The following PI4KA variants were observed in gnomAD, a reference collection of about 807,000 sequenced individuals.
The protein encoded by PI4KA is PI4-kinase alpha.
A neutral mutation model predicts 271.4 loss-of-function variants in PI4KA; 122 were observed. The observed-to-expected ratio is 0.45, with a 90% CI of 0.39 to 0.52. The LOEUF is 0.52. PI4KA is among the 20% of genes least tolerant of loss of function. PI4KA has a pLI of 0.00. For synonymous variants in PI4KA, 1,041 were observed against 1,078.8 expected (o/e 0.96, Z 0.69); for missense variants, 1,969 against 2,769.1 (o/e 0.71, Z 6.48).
intron 25 of PI4KA, among the ~76,000 whole-genome samples, chr22:20,752,020 G>A (rs564206591): frequency 7.2e-5 from 11 of 152,200 alleles, no homozygotes; most frequent in East Asian, 1.9e-4. Flanking sequence ...CCTTGGTTAT[G>A]CACTGGCCAG....
intron 47 of PI4KA, among the ~76,000 whole-genome samples, chr22:20,713,709 G>A (rs1351704839): frequency 2.0e-5 from 3 of 152,236 alleles, no homozygotes; most frequent in Non-Finnish European, 1.5e-5. Flanking sequence ...CAGGAGGAAT[G>A]TGTCTGTACA....
intron 43 of PI4KA, among the ~76,000 whole-genome samples, chr22:20,720,189 CTTTTGTGG>C (rs1926566215): frequency 6.6e-6 from 1 of 152,130 alleles, no homozygotes. Context: ...GTTATAAAAG[CTTTTGTGG>C]GTCCAGGTGC....
intron 4 of PI4KA, among the ~76,000 whole-genome samples, chr22:20,821,677 C>T (rs1180213847): frequency 2.6e-5 from 4 of 152,032 alleles, no homozygotes; most frequent in South Asian, 2.1e-4. Flanking sequence ...CCACAACCTC[C>T]GCCTCCTGGG....
intron 3 of PI4KA, among the ~76,000 whole-genome samples, chr22:20,829,585 T>TA: frequency 6.6e-6 from 1 of 151,770 alleles, no homozygotes; most frequent in Admixed American, 6.6e-5. Context: ...TAGTGATCTT[T>TA]TTTTTTTTAT....
intron 36 of PI4KA, among the ~76,000 whole-genome samples, chr22:20,732,066 C>G (rs1386280258): frequency 6.8e-6 from 1 of 147,404 alleles, no homozygotes; most frequent in Admixed American, 6.7e-5. Flanking sequence ...CCCAGCTACT[C>G]AGGAGGCTGA....
chr22:20,840,164 T>C (rs756951604), intron 1 of PI4KA, among the ~76,000 whole-genome samples: 5 of 152,218 alleles, frequency 3.3e-5, no homozygotes, highest in Non-Finnish European at 5.9e-5. Context: ...CTCATCAAAA[T>C]TGGCATAACA....
chr22:20,857,729 G>T (rs1927780554), intron 1 of PI4KA, among the ~76,000 whole-genome samples: 1 of 152,156 alleles, frequency 6.6e-6, no homozygotes, highest in African/African-American at 2.4e-5. Context: ...TAAGGATACA[G>T]AGGCTCTAAG....
rs1927774493 is a variant in PI4KA at position 20,729,638 on chromosome 22, G to A, written c.4482C>T (p.Ser1494=). Residue 1494 remains serine (S), a synonymous_variant, in exon 38 of 55, where the codon TCC becomes TCT. Coordinates refer to ENST00000255882, the MANE Select transcript of PI4KA (RefSeq NM_058004.4). The part of the protein sequence containing the change: ...YYMKRRTLLL[S]LLATEIERLI... ...CTGCACCTGTGGGCCTTACCAGCAG[G>A]GACAGCAGCAGCGTCCTGCGCTTCA... The A allele has an allele frequency of 5.1e-6, 8 of 1,569,258 alleles. No individual in the cohort carries two copies. The highest frequency in any genetic ancestry group is 6.9e-6 in the Non-Finnish European group (8 of 1,155,792).
intron 54 of PI4KA, among the ~76,000 whole-genome samples, 158 bp from the exon 55 acceptor site, chr22:20,708,256 C>A (rs1320215959): frequency 6.6e-6 from 1 of 152,176 alleles, no homozygotes; most frequent in African/African-American, 2.4e-5. Flanking sequence ...CCAGTGACCA[C>A]ATCTCCTGCT....
chr22:20,738,434 A>C (rs1443707242), intron 32 of PI4KA, among the ~76,000 whole-genome samples: 1 of 152,224 alleles, frequency 6.6e-6, no homozygotes, highest in Non-Finnish European at 1.5e-5. Flanking sequence ...AGGATCATGA[A>C]TCTTTCCCCT....
chr22:20,791,747 G>A (rs1318458990), intron 19 of PI4KA, among the ~76,000 whole-genome samples: 1 of 152,048 alleles, frequency 6.6e-6, no homozygotes, highest in Non-Finnish European at 1.5e-5. Context: ...GCCAGAATGA[G>A]ACCCTGTCTC....
At chr22:20,767,866 C>A (rs926546006) in intron 19 of PI4KA, among the ~76,000 whole-genome samples, 4 of 151,656 alleles carry the variant, frequency 2.6e-5, no homozygotes, top group Admixed American at 6.6e-5. Context: ...AACTCCTGAC[C>A]TCAAGTGATC....
chr22:20,721,322 C>G lies in PI4KA; in HGVS notation c.5092G>C (p.Asp1698His). The G allele has an allele frequency of 6.2e-7, 1 of 1,614,044 alleles. No homozygotes were observed. The highest frequency in any genetic ancestry group is 8.5e-7 in the Non-Finnish European group (1 of 1,179,968). Residue 1698 changes from aspartate to histidine, a missense_variant, in exon 43 of 55, where the codon GAT (aspartate) becomes CAT (histidine). Asp to His is a moderately conservative substitution (Grantham distance 81, BLOSUM62 -1). Around this residue, in one of 13 missense-constraint regions of PI4KA, gnomAD observed 388 missense variants for 521.5 expected, o/e 0.74. Transcript: ENST00000255882. ...CGGTCTTTCTGGTGGCCCTCTTCAT[C>G]TAGATAAATGTTAGTCTTCATGTTC... is the stretch of plus-strand genomic sequence containing the variant. ...IWNMKTNIYLDEEGHQKDPDI... is the reference protein window; with the variant it reads ...IWNMKTNIYLHEEGHQKDPDI...
At chr22:20,785,067 C>CCTTTTT (rs1555894633) in intron 19 of PI4KA, among the ~76,000 whole-genome samples, 1 of 134,452 alleles carries the variant, frequency 7.4e-6, no homozygotes, top group Non-Finnish European at 1.6e-5. Flanking sequence ...GGGACTGCAT[C>CCTTTTT]TTTTTTTTTT....
chr22:20,728,878 G>C (rs913322097), intron 39 of PI4KA, among the ~76,000 whole-genome samples: 1 of 152,194 alleles, frequency 6.6e-6, no homozygotes, highest in Non-Finnish European at 1.5e-5. Context: ...GCCACAGAGA[G>C]ATCACAGGAA....
intron 7 of PI4KA, among the ~76,000 whole-genome samples, chr22:20,815,372 T>G (rs1318914857): frequency 1.7e-5 from 2 of 114,474 alleles, no homozygotes; most frequent in Non-Finnish European, 3.3e-5. Context: ...AGTAGGAGAC[T>G]GCGTCTCAAA....
intron 2 of PI4KA, 94 bp downstream of exon 2, chr22:20,838,521 C>T (rs1008748837): frequency 1.5e-5 from 11 of 750,044 alleles, no homozygotes; most frequent in Non-Finnish European, 2.4e-5. Context: ...TATTCTTCTA[C>T]TATTGCTTTA....
intron 28 of PI4KA, among the ~76,000 whole-genome samples, 187 bp downstream of exon 28, chr22:20,749,718 G>A (rs183582155): frequency 2.3e-4 from 35 of 152,372 alleles, no homozygotes; most frequent in Admixed American, 5.2e-4. Flanking sequence ...GCCAGCACTG[G>A]CCCCACAGGC....
intron 19 of PI4KA, among the ~76,000 whole-genome samples, chr22:20,768,646 G>C (rs1344335311): frequency 6.6e-6 from 1 of 152,138 alleles, no homozygotes; most frequent in Non-Finnish European, 1.5e-5. Flanking sequence ...GCCGGTCCAG[G>C]GCTTGGCAAC....
Sources: allele counts gnomAD v4.1 joint callset (sites outside exome capture counted in the v4.1 genomes callset), GRCh38; gene constraint gnomAD v4.1.1; regional missense constraint gnomAD v4.1.1; transcripts MANE v1.5; gene names NCBI Gene and HGNC (gene_info 2026-07-23, HGNC 2026-07-21).